The following PPP1R1C variants were observed in gnomAD, a reference collection of about 807,000 sequenced individuals.
The protein encoded by PPP1R1C is protein phosphatase 1 regulatory inhibitor subunit 1C.
Under a neutral mutation model 17.4 loss-of-function variants are expected in PPP1R1C, and 15 were observed. That is an observed-to-expected ratio of 0.86 (90% CI 0.58 to 1.33). PPP1R1C has a LOEUF of 1.33. Among genes scored for constraint, PPP1R1C ranks in the 40% most tolerant of loss-of-function variants. PPP1R1C has a pLI of 0.00. For synonymous variants in PPP1R1C, 35 were observed against 43.1 expected, an observed-to-expected ratio of 0.81 and a Z score of 0.73; for missense variants, 143 against 130.0, an observed-to-expected ratio of 1.10 and a Z score of -0.48.
intron 2 of PPP1R1C, among the ~76,000 whole-genome samples, chr2:181,980,361 G>A (rs1307276454): frequency 6.6e-6 from 1 of 152,096 alleles, no homozygotes; most frequent in Non-Finnish European, 1.5e-5. Context: ...GTAGACAAGG[G>A]GTGAGAGCGA....
intron 4 of PPP1R1C, chr2:182,103,492 T>A (rs554014258): frequency 6.6e-6 from 1 of 152,202 alleles, no homozygotes; most frequent in South Asian, 2.1e-4. Flanking sequence ...TGATGTTACA[T>A]GTGGAAGACA....
chr2:182,099,952 G>A (rs1689048796), intron 4 of PPP1R1C, among the ~76,000 whole-genome samples: 1 of 151,712 alleles, frequency 6.6e-6, no homozygotes, highest in South Asian at 2.1e-4. Flanking sequence ...CCTTAAATAG[G>A]TGCCTTGTCC....
At position 181,962,294 on chromosome 2, in the gene PPP1R1C, TC is replaced by T; in HGVS notation, n.111+7664del. On this transcript the variant is annotated intron_variant and non_coding_transcript_variant, in intron 1 of 5. Coordinates refer to the PPP1R1C transcript ENST00000464264. This position sits in a 1 kb window ranked among gnomAD's most constrained non-coding sequence, Gnocchi z 6.0. ...ACCCCCGGCCATCCCCGCGGCCAGG[TC>T]CCCGGACCCCATGCCACCCCGGAAG... 7.8e-6 allele frequency: 6 copies of T among 769,040 alleles called. No homozygotes were observed. In the East Asian group the frequency reaches 1.0e-4, roughly 13 times the overall value. The allele number at this position is 769,040 out of a possible 1,614,324, so 47.6% of individuals were successfully genotyped here.
intron 4 of PPP1R1C, among the ~76,000 whole-genome samples, chr2:182,111,799 C>A (rs1271782315): frequency 2.0e-5 from 3 of 151,656 alleles, no homozygotes; most frequent in Non-Finnish European, 4.4e-5. Context: ...TTGTGATAAA[C>A]CTTAGGGTGC....
chr2:182,050,292 G>T (rs1486242584), intron 2 of PPP1R1C, among the ~76,000 whole-genome samples: 1 of 152,170 alleles, frequency 6.6e-6, no homozygotes, highest in African/African-American at 2.4e-5. Context: ...GTCAGTGGCT[G>T]TGTCTCTGAT....
chr2:181,964,963 C>A (rs976114942), intron 1 of PPP1R1C, among the ~76,000 whole-genome samples: 4 of 152,208 alleles, frequency 2.6e-5, no homozygotes, highest in African/African-American at 9.7e-5. Context: ...ACTTTGGCCT[C>A]CCAAAATGCT....
chr2:182,084,564 A>G (rs1688573797), intron 4 of PPP1R1C, among the ~76,000 whole-genome samples: 1 of 152,058 alleles, frequency 6.6e-6, no homozygotes, highest in Admixed American at 6.6e-5. Flanking sequence ...TTCATTTAAG[A>G]TCAGCTGGCT....
chr2:182,115,935 A>G (rs548737877), intron 4 of PPP1R1C, among the ~76,000 whole-genome samples: 1 of 152,280 alleles, frequency 6.6e-6, no homozygotes, highest in African/African-American at 2.4e-5. Context: ...AAAATCTAAT[A>G]AACTAATTTT....
chr2:182,034,698 C>T (rs572133577), intron 2 of PPP1R1C, among the ~76,000 whole-genome samples: 40 of 152,212 alleles, frequency 2.6e-4, no homozygotes, highest in East Asian at 9.7e-4. Flanking sequence ...CAGAAATGTG[C>T]GAATGTCAAT....
intron 4 of PPP1R1C, among the ~76,000 whole-genome samples, chr2:182,095,096 C>A (rs945568337): frequency 6.6e-6 from 1 of 152,044 alleles, no homozygotes; most frequent in Admixed American, 6.5e-5. Context: ...GAAGACCAAC[C>A]TGGCCAACAT....
chr2:182,076,189 T>TTC (rs1688295884), intron 4 of PPP1R1C, among the ~76,000 whole-genome samples: 7 of 122,930 alleles, frequency 5.7e-5, no homozygotes, highest in African/African-American at 2.6e-4. Context: ...AACTTTTTTT[T>TTC]TTCTTTTCTT....
chr2:181,983,850 G>A (rs1453690677), upstream of PPP1R1C, among the ~76,000 whole-genome samples: 2 of 152,102 alleles, frequency 1.3e-5, no homozygotes, highest in Non-Finnish European at 2.9e-5. Context: ...AGGCTTCCTA[G>A]AAGCAATGAT....
chr2:182,106,373 C>A (rs540184041), intron 4 of PPP1R1C, among the ~76,000 whole-genome samples: 2 of 152,280 alleles, frequency 1.3e-5, no homozygotes, highest in Admixed American at 1.3e-4. Flanking sequence ...TTTAGAGGAG[C>A]AGAGGGGCAA....
chr2:182,019,697 A>G (rs555834747), intron 2 of PPP1R1C, among the ~76,000 whole-genome samples: 1 of 152,332 alleles, frequency 6.6e-6, no homozygotes, highest in South Asian at 2.1e-4. Context: ...AATCAGTGGC[A>G]GAGCTAGAGT....
intron 1 of PPP1R1C, among the ~76,000 whole-genome samples, chr2:181,965,001 C>T (rs1010881928): frequency 1.2e-4 from 19 of 152,318 alleles, no homozygotes; most frequent in South Asian, 2.1e-4. Context: ...CCATCGCACT[C>T]GGCCCAACAT....
chr2:182,123,551 A>C (rs1299843458), intron 5 of PPP1R1C, among the ~76,000 whole-genome samples: 1 of 152,066 alleles, frequency 6.6e-6, no homozygotes, highest in Non-Finnish European at 1.5e-5. Flanking sequence ...CATTTTAACT[A>C]GCCTGAGATG....
upstream of PPP1R1C, among the ~76,000 whole-genome samples, chr2:181,984,368 A>G (rs539117146): frequency 6.6e-6 from 1 of 152,366 alleles, no homozygotes; most frequent in South Asian, 2.1e-4. Flanking sequence ...CTCACTAAAA[A>G]TACTGTCTTG....
At chr2:182,081,508 T>C (rs1002103780) in intron 4 of PPP1R1C, among the ~76,000 whole-genome samples, 1 of 152,196 alleles carries the variant, frequency 6.6e-6, no homozygotes, top group African/African-American at 2.4e-5. Flanking sequence ...TTTGCTAGAT[T>C]AATCAACATA....
chr2:182,118,639 G>A (rs1689651740), downstream of PPP1R1C, among the ~76,000 whole-genome samples: 1 of 116,436 alleles, frequency 8.6e-6, no homozygotes, highest in African/African-American at 3.4e-5. Flanking sequence ...TAGAAGTTAA[G>A]AGAGTTTTAT....
Sources: gnomAD v4.1 joint callset for allele counts (sites outside exome capture counted in the v4.1 genomes callset) on GRCh38, gnomAD v4.1.1 for gene constraint, Gnocchi (gnomAD v3.1) non-coding constraint, MANE v1.5 for transcripts, NCBI Gene and HGNC (gene_info 2026-07-23, HGNC 2026-07-21) for gene names.